The following DNAH7 variants were observed in gnomAD, a reference collection of about 807,000 sequenced individuals.
DNAH7 encodes the protein dynein axonemal heavy chain 7.
In DNAH7, 397 loss-of-function variants were observed where a neutral mutation model predicts 444.6. The observed-to-expected ratio is 0.89, with a 90% CI of 0.82 to 0.97. The LOEUF (loss-of-function observed/expected upper bound fraction) is 0.97. Among genes scored for constraint, DNAH7 ranks in the 50% least tolerant of loss-of-function variants. DNAH7 has a pLI of 0.00. For missense variants in DNAH7, 4,902 were observed against 4,800.8 expected (o/e 1.02, Z -0.62); for synonymous variants, 1,636 against 1,624.4 (o/e 1.01, Z -0.17).
At chr2:195,995,248 G>A (rs1693620307) in intron 12 of DNAH7, 2 of 421,140 alleles carry the variant, frequency 4.7e-6, no homozygotes, top group Non-Finnish European at 9.3e-6. Context: ...TTCTTAATGA[G>A]GGAGATGCTT....
At chr2:195,887,362 A>T (rs1192235608) in intron 33 of DNAH7, among the ~76,000 whole-genome samples, 1 of 151,456 alleles carries the variant, frequency 6.6e-6, no homozygotes, top group Non-Finnish European at 1.5e-5. Context: ...TCTACAACAT[A>T]TTTCAGTTAC....
At chr2:196,024,330 T>C (rs1165576786) in intron 8 of DNAH7, 99 bp downstream of exon 8, 2 of 745,394 alleles carry the variant, frequency 2.7e-6, no homozygotes, top group Non-Finnish European at 4.1e-6. Flanking sequence ...CATTTATATA[T>C]AAATTATAAA....
chr2:195,859,899 T>C (rs1455244422), intron 42 of DNAH7, among the ~76,000 whole-genome samples: 1 of 152,162 alleles, frequency 6.6e-6, no homozygotes, highest in Non-Finnish European at 1.5e-5. Context: ...AGCTTAACCA[T>C]AGATTTCCTT....
intron 10 of DNAH7, among the ~76,000 whole-genome samples, chr2:196,010,303 C>T (rs1380232442): frequency 2.0e-5 from 3 of 152,068 alleles, no homozygotes; most frequent in Non-Finnish European, 4.4e-5. Flanking sequence ...GTGTGCGCCA[C>T]CACACCCTGC....
chr2:195,806,226 G>A (rs1223457347), intron 54 of DNAH7, among the ~76,000 whole-genome samples: 1 of 151,826 alleles, frequency 6.6e-6, no homozygotes, highest in Non-Finnish European at 1.5e-5. Flanking sequence ...AATATAACAG[G>A]TCTGCTGATT....
intron 15 of DNAH7, among the ~76,000 whole-genome samples, chr2:195,976,803 G>A (rs1011309299): frequency 4.3e-5 from 6 of 140,166 alleles, no homozygotes; most frequent in Non-Finnish European, 9.6e-5. Context: ...CTAATTATTT[G>A]GGAGAAATTA....
chr2:195,926,201 C>T (rs1387645), intron 22 of DNAH7, among the ~76,000 whole-genome samples: 13,945 of 151,672 alleles, frequency 0.092, 715 homozygotes, highest in African/African-American at 0.13. Context: ...TTTTATATAC[C>T]GTGAATAAAC....
chr2:195,952,382 G>A (rs889160332), intron 19 of DNAH7, among the ~76,000 whole-genome samples: 1 of 152,070 alleles, frequency 6.6e-6, no homozygotes, highest in African/African-American at 2.4e-5. Context: ...TTTCAACCTT[G>A]GTGAATCTGA....
chr2:195,759,237 T>C (rs1019342628), intron 61 of DNAH7, among the ~76,000 whole-genome samples: 3 of 152,174 alleles, frequency 2.0e-5, no homozygotes, highest in Admixed American at 6.5e-5. Flanking sequence ...GGAACAGTCC[T>C]GGGGTCCACA....
intron 54 of DNAH7, among the ~76,000 whole-genome samples, chr2:195,804,270 T>C (rs1696607540): frequency 1.3e-5 from 2 of 152,234 alleles, no homozygotes; most frequent in South Asian, 4.1e-4. Flanking sequence ...TGGAAAATCA[T>C]TCTTTTAAAA....
chr2:195,796,756 G>A lies in DNAH7; in HGVS notation c.10354-19C>T. 1 of 1,583,274 alleles carries A rather than the reference G, an allele frequency of 6.3e-7. No individual in the cohort carries two copies. The highest frequency in any genetic ancestry group is 8.6e-7 in the Non-Finnish European group (1 of 1,164,462). On this transcript the variant is annotated intron_variant, in intron 55 of 64. Transcript: ENST00000312428. ...CATATCCCTGTGTACAAGAATAGTA[G>A]AGATGTTATTTAAAATCACATTTTA...
At chr2:195,975,928 C>G (rs1692159260) in intron 15 of DNAH7, among the ~76,000 whole-genome samples, 1 of 152,110 alleles carries the variant, frequency 6.6e-6, no homozygotes. Flanking sequence ...TTAGGAAACA[C>G]CCTGGGCCTT....
intron 12 of DNAH7, among the ~76,000 whole-genome samples, chr2:195,989,013 ACTTC>A (rs1312257801): frequency 6.6e-6 from 1 of 152,036 alleles, no homozygotes; most frequent in Non-Finnish European, 1.5e-5. Context: ...AAATGACAGG[ACTTC>A]CTTCTTTCTA....
chr2:195,889,277 C>T lies in DNAH7; in HGVS notation c.5047-296G>A, dbSNP rs537381073. 2.7e-5 allele frequency among the ~76,000 whole-genome samples: 4 copies of T among 148,148 alleles called. No homozygotes were observed. The East Asian group carries it at 8.3e-4, about 31-fold the overall frequency. The stretch of plus-strand genomic sequence containing the variant: ...TCCTTCCTTTCTTTCCTCCCTCCCT[C>T]CCTCCCTTCCTTCCATCCATCCTTC... On this transcript the variant is annotated intron_variant, in intron 31 of 64. Coordinates refer to ENST00000312428, the MANE Select transcript of DNAH7 (RefSeq NM_018897.3).
In DNAH7 at chr2:195,771,660, C is replaced by T; in HGVS notation, c.11433G>A (p.Lys3811=). The T allele has an allele frequency of 1.2e-6, 2 of 1,609,432 alleles. No individual in the cohort carries two copies. The highest frequency in any genetic ancestry group is 1.7e-4 in the Middle Eastern group (1 of 6,056). ...DSCVNIQKAI[K]GLAVMSTDLE... is the part of the protein sequence containing the mutation. ...TTTTTTTTGGTGTTTTTCACCTTACCTTGATTGCTTTTTGAATATTTACGC... is the reference window on the plus strand; with the variant it reads ...TTTTTTTTGGTGTTTTTCACCTTACTTTGATTGCTTTTTGAATATTTACGC... Residue 3811 remains lysine, a splice_region_variant and synonymous_variant, in exon 61 of 65, where the codon AAG becomes AAA. Coordinates refer to ENST00000312428, the MANE Select transcript of DNAH7 (RefSeq NM_018897.3).
intron 24 of DNAH7, among the ~76,000 whole-genome samples, chr2:195,917,474 C>T (rs554513053): frequency 2.8e-4 from 42 of 152,324 alleles, no homozygotes; most frequent in Non-Finnish European, 8.8e-5. Flanking sequence ...AGAAGCATGT[C>T]AAGTCAAAAG....
At position 195,737,715 on chromosome 2, in the gene DNAH7, T is replaced by TAG. The variant is rs1463734873; in HGVS notation, c.*205_*206insCT. Reference sequence around the variant, plus strand: ...AAGAGAGCAAATATGCCAGTGTGTTTTCTTTAGTCTTTATTTCAGAACATT... The same window carrying TAG: ...AAGAGAGCAAATATGCCAGTGTGTTTAGTCTTTAGTCTTTATTTCAGAACATT... On this transcript the variant is annotated 3_prime_UTR_variant, in exon 65 of 65. Transcript: ENST00000312428. 1.0e-3 allele frequency: 476 copies of TAG among 454,558 alleles called. 1 individual carries two copies. The highest frequency in any genetic ancestry group is 9.3e-3 in the African/African-American group (419 of 45,266). 28.2% of individuals were successfully genotyped at this position (454,558 alleles called of 1,614,324 possible). A position where few individuals can be genotyped will look rare whatever the true frequency, so the allele number is the denominator to read the frequency against.
intron 57 of DNAH7, among the ~76,000 whole-genome samples, chr2:195,788,863 G>A (rs1307113834): frequency 6.6e-6 from 1 of 152,130 alleles, no homozygotes; most frequent in Non-Finnish European, 1.5e-5. Context: ...GCATGTATGT[G>A]TATTTGTATA....
chr2:195,792,576 T>C (rs984373107), intron 57 of DNAH7, among the ~76,000 whole-genome samples: 9 of 152,250 alleles, frequency 5.9e-5, no homozygotes, highest in Admixed American at 5.2e-4. Flanking sequence ...AGACCAATGC[T>C]GTCAGGGACA....
Sources: allele counts gnomAD v4.1 joint callset (sites outside exome capture counted in the v4.1 genomes callset), GRCh38; gene constraint gnomAD v4.1.1; transcripts MANE v1.5; gene names NCBI Gene and HGNC (gene_info 2026-07-23, HGNC 2026-07-21).